The following CTNNA3 variants were observed in gnomAD, a reference collection of about 807,000 sequenced individuals.
CTNNA3 encodes the protein catenin alpha-3.
CTNNA3 carries 76 observed loss-of-function variants against 95.7 expected under a neutral mutation model. That is an observed-to-expected ratio of 0.79 (90% CI 0.66 to 0.96). CTNNA3 has a LOEUF of 0.96. Ranked by LOEUF, CTNNA3 falls within the 40% of genes least tolerant of loss-of-function variation. The probability of loss-of-function intolerance (pLI) is 0.00; values close to 1 mark genes in which losing one functional copy is unlikely to be tolerated. For synonymous variants in CTNNA3, 431 were observed against 374.4 expected, an observed-to-expected ratio of 1.15 and a Z score of -1.74; for missense variants, 1,191 against 1,089.8, an observed-to-expected ratio of 1.09 and a Z score of -1.31.
chr10:66,541,395 AT>A (rs1263313894), intron 10 of CTNNA3, among the ~76,000 whole-genome samples: 1 of 151,892 alleles, frequency 6.6e-6, no homozygotes, highest in South Asian at 2.1e-4. Flanking sequence ...AAACTCAACA[AT>A]TTTTTTTCTG....
intron 13 of CTNNA3, among the ~76,000 whole-genome samples, chr10:66,144,732 C>A (rs1326345131): frequency 6.6e-6 from 1 of 152,200 alleles, no homozygotes; most frequent in African/African-American, 2.4e-5. Context: ...AGATCATCCA[C>A]CCGCATTGGC....
chr10:67,348,479 G>A (rs1842514880), intron 5 of CTNNA3, among the ~76,000 whole-genome samples: 1 of 152,110 alleles, frequency 6.6e-6, no homozygotes, highest in Admixed American at 6.6e-5. Flanking sequence ...TTGGCCCACT[G>A]TTCTGCAGGC....
At chr10:66,577,075 G>A (rs753119592) in intron 10 of CTNNA3, among the ~76,000 whole-genome samples, 1 of 150,356 alleles carries the variant, frequency 6.7e-6, no homozygotes, top group Non-Finnish European at 1.5e-5. Context: ...TTTCTCTAGT[G>A]ATTAGTCATA....
chr10:67,722,060 TC>T (rs1482250844), intron 1 of CTNNA3, among the ~76,000 whole-genome samples: 3 of 152,124 alleles, frequency 2.0e-5, no homozygotes, highest in Non-Finnish European at 4.4e-5. Context: ...CTGGAGCAGT[TC>T]CTATTCAGCC....
At chr10:67,411,049 T>C (rs1426222072) in intron 5 of CTNNA3, among the ~76,000 whole-genome samples, 1 of 151,276 alleles carries the variant, frequency 6.6e-6, no homozygotes, top group Non-Finnish European at 1.5e-5. Context: ...AGGCTGGGAG[T>C]GAGGAGATGG....
At chr10:66,567,324 G>A (rs879298056) in intron 10 of CTNNA3, among the ~76,000 whole-genome samples, 22 of 151,986 alleles carry the variant, frequency 1.4e-4, no homozygotes, top group Non-Finnish European at 2.8e-4. Context: ...AGTCTATCGA[G>A]ACTTCATTTC....
At chr10:66,260,460 G>C (rs567364617) in intron 13 of CTNNA3, among the ~76,000 whole-genome samples, 65 of 152,208 alleles carry the variant, frequency 4.3e-4, no homozygotes, top group African/African-American at 1.2e-3. Context: ...TTGGGGGATA[G>C]GTAATCACTC....
intron 7 of CTNNA3, among the ~76,000 whole-genome samples, chr10:67,106,856 A>T (rs1159439366): frequency 6.6e-6 from 1 of 152,200 alleles, no homozygotes; most frequent in Non-Finnish European, 1.5e-5. Flanking sequence ...CTTGGAAGGT[A>T]AGAAAATTTT....
chr10:66,618,889 A>G (rs1413775374), intron 10 of CTNNA3, among the ~76,000 whole-genome samples: 1 of 152,186 alleles, frequency 6.6e-6, no homozygotes, highest in Non-Finnish European at 1.5e-5. Flanking sequence ...CCCCATCAAA[A>G]AGTGGGCGAA....
chr10:67,699,033 G>A (rs188332935), upstream of CTNNA3, among the ~76,000 whole-genome samples: 1 of 152,060 alleles, frequency 6.6e-6, no homozygotes, highest in East Asian at 1.9e-4. Flanking sequence ...CTATTAAAAT[G>A]CAAGAAGTCC....
chr10:66,702,100 T>C (rs1397401613), intron 9 of CTNNA3, among the ~76,000 whole-genome samples: 1 of 151,986 alleles, frequency 6.6e-6, no homozygotes, highest in African/African-American at 2.4e-5. Flanking sequence ...TACCCATAAG[T>C]ACTTATCTGT....
intron 5 of CTNNA3, among the ~76,000 whole-genome samples, chr10:67,459,636 T>C (rs1847303923): frequency 6.6e-6 from 1 of 152,226 alleles, no homozygotes; most frequent in Non-Finnish European, 1.5e-5. Context: ...TTTCACTATC[T>C]CAGATCATAA....
chr10:67,067,197 T>A (rs752709974), intron 7 of CTNNA3, among the ~76,000 whole-genome samples: 1 of 152,140 alleles, frequency 6.6e-6, no homozygotes, highest in Non-Finnish European at 1.5e-5. Context: ...TATGGAGAAA[T>A]ATACCACAGA....
chr10:67,311,285 A>C (rs1418644245), intron 5 of CTNNA3, among the ~76,000 whole-genome samples: 3 of 152,182 alleles, frequency 2.0e-5, no homozygotes, highest in African/African-American at 7.2e-5. Flanking sequence ...TTGGAAAAAG[A>C]AGCAAAAAAG....
chr10:67,566,043 G>GTATA (rs772272609), intron 3 of CTNNA3, among the ~76,000 whole-genome samples: 515 of 26,936 alleles, frequency 0.019, 65 homozygotes, highest in African/African-American at 0.05. Flanking sequence ...ATGTGTGTGT[G>GTATA]TATATATATA....
At chr10:67,704,444 A>T (rs1474059193) in intron 1 of CTNNA3, among the ~76,000 whole-genome samples, 1 of 152,226 alleles carries the variant, frequency 6.6e-6, no homozygotes, top group Non-Finnish European at 1.5e-5. Flanking sequence ...GATCAATGGA[A>T]CAGACCAGAG....
chr10:66,755,006 G>T (rs1210033027), intron 9 of CTNNA3, among the ~76,000 whole-genome samples: 2 of 152,092 alleles, frequency 1.3e-5, no homozygotes, highest in Non-Finnish European at 2.9e-5. Flanking sequence ...ACACAAACTT[G>T]CATATACATG....
rs542267367 is a variant in CTNNA3, at chr10:67,518,486, A to G, written c.579+3356T>C. ...ACGTGATGTGTTCCAACATGCATGCAGGTCTGAAGTACAATAATTTAATTT... is the reference window on the plus strand; with the variant it reads ...ACGTGATGTGTTCCAACATGCATGCGGGTCTGAAGTACAATAATTTAATTT... On this transcript the variant is annotated intron_variant, in intron 5 of 17. Coordinates refer to ENST00000433211, the MANE Select transcript of CTNNA3 (RefSeq NM_013266.4). 2.6e-5 allele frequency among the ~76,000 whole-genome samples: 4 copies of G among 152,288 alleles called. No individual in the cohort carries two copies. In the East Asian group the frequency reaches 7.7e-4, roughly 29 times the overall value.
intron 5 of CTNNA3, among the ~76,000 whole-genome samples, chr10:67,288,128 AT>A (rs1434233637): frequency 6.6e-6 from 1 of 152,014 alleles, no homozygotes; most frequent in Non-Finnish European, 1.5e-5. Flanking sequence ...ATTCTGTAAA[AT>A]TTTTTCCCTG....
Sources: gnomAD v4.1 joint callset for allele counts (sites outside exome capture counted in the v4.1 genomes callset) on GRCh38, gnomAD v4.1.1 for gene constraint, MANE v1.5 for transcripts, NCBI Gene and HGNC (gene_info 2026-07-23, HGNC 2026-07-21) for gene names.